Variants in DPP10 observed in about 807,000 individuals in gnomAD.
DPP10 encodes the protein dipeptidyl peptidase like 10, also known as inactive dipeptidyl peptidase 10.
Under a neutral mutation model 120.9 loss-of-function variants are expected in DPP10, and 33 were observed. That is an observed-to-expected ratio of 0.27 (90% CI 0.21 to 0.37). The LOEUF (loss-of-function observed/expected upper bound fraction) is 0.37, where lower values mean the gene tolerates loss of function less well. Ranked by LOEUF, DPP10 falls within the 10% of genes least tolerant of loss-of-function variation. The probability of loss-of-function intolerance (pLI) is 1.00; values close to 1 mark genes in which losing one functional copy is unlikely to be tolerated. For missense variants in DPP10, 816 were observed against 942.8 expected, an observed-to-expected ratio of 0.87 and a Z score of 1.76; for synonymous variants, 337 against 326.1, an observed-to-expected ratio of 1.03 and a Z score of -0.36.
At chr2:115,583,750 A>G (rs2082131267) in intron 5 of DPP10, among the ~76,000 whole-genome samples, 1 of 152,174 alleles carries the variant, frequency 6.6e-6, no homozygotes, top group Admixed American at 6.5e-5. Flanking sequence ...CCTCTCAGGG[A>G]GAAAAACATC....
intron 1 of DPP10, among the ~76,000 whole-genome samples, chr2:114,726,700 T>C (rs1702071404): frequency 6.6e-6 from 1 of 152,242 alleles, no homozygotes; most frequent in African/African-American, 2.4e-5. Flanking sequence ...TGGAAATCAT[T>C]GGGCATGTCA....
intron 1 of DPP10, among the ~76,000 whole-genome samples, chr2:115,085,969 G>A (rs927889337): frequency 5.3e-5 from 8 of 152,032 alleles, no homozygotes; most frequent in Non-Finnish European, 8.8e-5. Flanking sequence ...CCTATATATC[G>A]TGACTTACTT....
At position 114,687,967 on chromosome 2, in the gene DPP10, T is replaced by G. The variant is rs571808293; in HGVS notation, c.60+245129T>G. 1.4e-4 allele frequency among the ~76,000 whole-genome samples: 21 copies of G among 152,018 alleles called. 1 individual carries two copies. Among genetic ancestry groups the G allele is most frequent in the Non-Finnish European group, 2.8e-4 (19 of 67,948 alleles). ...GTTTTTCTGTAATGAAAACATTTCT[T>G]CTAATTCTATCTAAAACAAAACATT... On this transcript the variant is annotated intron_variant, in intron 1 of 25. Coordinates refer to ENST00000410059, the MANE Select transcript of DPP10 (RefSeq NM_020868.6).
intron 5 of DPP10, among the ~76,000 whole-genome samples, chr2:115,610,142 TACTC>T (rs2149247944): frequency 6.6e-6 from 1 of 152,190 alleles, no homozygotes; most frequent in Non-Finnish European, 1.5e-5. Context: ...GCTTGACTGG[TACTC>T]AAGGATCTGT....
At position 114,906,370 on chromosome 2, in the gene DPP10, T is replaced by C. The variant is rs1193476495; in HGVS notation, c.61-402869T>C. ...CTTCACTCCAGCCTGGGCGACAGAG[T>C]GAGTTCTATCTCAAAAAAAAAAAAA... On this transcript the variant is annotated intron_variant, in intron 1 of 25. Coordinates refer to ENST00000410059, the MANE Select transcript of DPP10 (RefSeq NM_020868.6). Among the ~76,000 whole-genome samples the C allele has an allele frequency of 2.0e-5, 3 of 149,000 alleles. No individual in the cohort carries two copies. The South Asian group carries it at 6.4e-4, about 32-fold the overall frequency.
intron 1 of DPP10, among the ~76,000 whole-genome samples, chr2:114,594,443 TA>T (rs1362239244): frequency 2.7e-5 from 4 of 148,376 alleles, no homozygotes; most frequent in Non-Finnish European, 5.9e-5. Context: ...AGGGAGCTTA[TA>T]TGTGAACACA....
chr2:115,441,837 G>C (rs1054755191), intron 3 of DPP10, among the ~76,000 whole-genome samples: 1 of 37,234 alleles, frequency 2.7e-5, no homozygotes, highest in South Asian at 7.8e-4. Context: ...TTTTTTTTTT[G>C]ACAGAGTCTC....
intron 1 of DPP10, among the ~76,000 whole-genome samples, chr2:114,818,688 C>T (rs758941962): frequency 4.8e-4 from 73 of 152,118 alleles, no homozygotes; most frequent in Middle Eastern, 3.4e-3. Context: ...TAATTTCAGT[C>T]GGTGTCGCTG....
intron 5 of DPP10, among the ~76,000 whole-genome samples, chr2:115,629,440 A>G (rs911847819): frequency 8.6e-5 from 13 of 152,024 alleles, no homozygotes; most frequent in Non-Finnish European, 2.9e-5. Flanking sequence ...CAACAGTGTA[A>G]AAGTGTTCCT....
intron 1 of DPP10, among the ~76,000 whole-genome samples, chr2:115,232,878 G>A (rs915549733): frequency 6.6e-6 from 1 of 152,078 alleles, no homozygotes; most frequent in Non-Finnish European, 1.5e-5. Flanking sequence ...TATGTTCTTA[G>A]AACAACTACC....
At chr2:114,791,024 A>C (rs6542222) in intron 1 of DPP10, among the ~76,000 whole-genome samples, 80,004 of 152,022 alleles carry the variant, frequency 0.53, 21,610 homozygotes, top group East Asian at 0.79. Flanking sequence ...GTATATATTT[A>C]AGAAGAATGA....
At chr2:114,685,677 A>G (rs1469789297) in intron 1 of DPP10, among the ~76,000 whole-genome samples, 1 of 151,898 alleles carries the variant, frequency 6.6e-6, no homozygotes, top group Non-Finnish European at 1.5e-5. Context: ...TCTAATTAAA[A>G]TATGGAAGTC....
chr2:115,803,550 G>A (rs1318131373), intron 19 of DPP10, among the ~76,000 whole-genome samples: 1 of 152,180 alleles, frequency 6.6e-6, no homozygotes, highest in Admixed American at 6.5e-5. Flanking sequence ...AATTTGGCAT[G>A]TTTTTGCAGT....
At chr2:115,263,877 A>C (rs1370699855) in intron 1 of DPP10, among the ~76,000 whole-genome samples, 1 of 151,230 alleles carries the variant, frequency 6.6e-6, no homozygotes, top group African/African-American at 2.5e-5. Context: ...AAAATCACAA[A>C]GGGATTCAAA....
chr2:114,957,923 G>C lies in DPP10; in HGVS notation c.61-351316G>C, dbSNP rs996790972. Among the ~76,000 whole-genome samples, 50 of 152,294 alleles carry C rather than the reference G, an allele frequency of 3.3e-4. 1 individual carries two copies. Among genetic ancestry groups the C allele is most frequent in the African/African-American group, 1.2e-3 (49 of 41,572 alleles). On this transcript the variant is annotated intron_variant, in intron 1 of 25. Transcript: ENST00000410059. ...AATGTCAAACTCATACAGGTAGAGA[G>C]AATGGTGGTTACCAAAGACCGGAGA...
chr2:115,399,310 AATCC>A (rs2067897739), intron 3 of DPP10, among the ~76,000 whole-genome samples: 1 of 152,172 alleles, frequency 6.6e-6, no homozygotes, highest in African/African-American at 2.4e-5. Flanking sequence ...TTCTTTTTGT[AATCC>A]ATGTATGCAA....
chr2:114,728,598 A>G (rs1435474985), intron 1 of DPP10, among the ~76,000 whole-genome samples: 1 of 152,194 alleles, frequency 6.6e-6, no homozygotes, highest in Admixed American at 6.5e-5. Flanking sequence ...AGGTCTGTCC[A>G]GAGAAGCGGA....
intron 1 of DPP10, among the ~76,000 whole-genome samples, chr2:115,009,595 A>T (rs914454058): frequency 1.3e-5 from 2 of 151,976 alleles, no homozygotes; most frequent in Non-Finnish European, 2.9e-5. Context: ...AGAAAAAAAA[A>T]AAAAGAAAAG....
rs529031394 is a variant in DPP10 at position 114,533,361 on chromosome 2, C to T, written c.60+90523C>T. Among the ~76,000 whole-genome samples the T allele has an allele frequency of 1.2e-4, 18 of 152,102 alleles. No homozygotes were observed. The South Asian group carries it at 1.5e-3, about 12-fold the overall frequency. Reference sequence around the variant, plus strand: ...TAAGTATTATTATTATTACTATTATCGTAGAGCTCATATTTGAGTCACTTC... The same window carrying T: ...TAAGTATTATTATTATTACTATTATTGTAGAGCTCATATTTGAGTCACTTC... On this transcript the variant is annotated intron_variant, in intron 1 of 25. Transcript: ENST00000410059.
Sources: allele counts gnomAD v4.1 joint callset (sites outside exome capture counted in the v4.1 genomes callset), GRCh38; gene constraint gnomAD v4.1.1; transcripts MANE v1.5; gene names NCBI Gene and HGNC (gene_info 2026-07-23, HGNC 2026-07-21).